The following PPARGC1A variants were observed in gnomAD, a reference collection of about 807,000 sequenced individuals.
PPARGC1A encodes the protein PPARG coactivator 1 alpha.
A neutral mutation model predicts 88.7 loss-of-function variants in PPARGC1A; 25 were observed. The observed-to-expected ratio is 0.28, with a 90% CI of 0.21 to 0.39. The LOEUF is 0.39. PPARGC1A is among the 10% of genes least tolerant of loss of function. The probability of loss-of-function intolerance (pLI) is 1.00; values close to 1 mark genes in which losing one functional copy is unlikely to be tolerated. For synonymous variants in PPARGC1A, 363 were observed against 355.6 expected, an observed-to-expected ratio of 1.02 and a Z score of -0.24; for missense variants, 880 against 968.7, an observed-to-expected ratio of 0.91 and a Z score of 1.22.
chr4:24,203,983 A>T, the PPARGC1A span, among the ~76,000 whole-genome samples: 2 of 152,238 alleles, frequency 1.3e-5, no homozygotes, highest in Non-Finnish European at 2.9e-5. Context: ...CTTATTATAG[A>T]TATTGAACTG....
At chr4:24,171,446 T>G in the PPARGC1A span, among the ~76,000 whole-genome samples, 1 of 151,682 alleles carries the variant, frequency 6.6e-6, no homozygotes, top group South Asian at 2.1e-4. Flanking sequence ...TCTACAACAC[T>G]CTATCTTCTT....
chr4:24,225,484 G>A, the PPARGC1A span, among the ~76,000 whole-genome samples: 1 of 151,540 alleles, frequency 6.6e-6, no homozygotes, highest in African/African-American at 2.4e-5. Context: ...CAGGAGAATG[G>A]TGGCCACTGC....
At chr4:23,973,442 G>A in the PPARGC1A span, among the ~76,000 whole-genome samples, 1 of 152,136 alleles carries the variant, frequency 6.6e-6, no homozygotes, top group Non-Finnish European at 1.5e-5. Flanking sequence ...ATCTTGCCTT[G>A]CAAAGTTTTT....
chr4:24,066,697 G>T, the PPARGC1A span, among the ~76,000 whole-genome samples: 1 of 152,086 alleles, frequency 6.6e-6, no homozygotes, highest in Non-Finnish European at 1.5e-5. Flanking sequence ...ATAGACACTT[G>T]GGAGCCAGAA....
chr4:24,417,985 T>C, the PPARGC1A span, among the ~76,000 whole-genome samples: 2 of 151,780 alleles, frequency 1.3e-5, 1 homozygote, highest in East Asian at 3.9e-4. Context: ...ATTTATTTTG[T>C]TTTTTCTGTA....
chr4:24,308,400 G>C, the PPARGC1A span, among the ~76,000 whole-genome samples: 2 of 151,774 alleles, frequency 1.3e-5, no homozygotes, highest in Admixed American at 1.3e-4. Context: ...CTTTTATTTA[G>C]TTTTGCTGAG....
chr4:23,857,334 G>A (rs1730347577), intron 2 of PPARGC1A, among the ~76,000 whole-genome samples: 1 of 144,668 alleles, frequency 6.9e-6, no homozygotes, highest in African/African-American at 2.5e-5. Flanking sequence ...CAGGGATGAA[G>A]TTTCATAAAA....
intron 12 of PPARGC1A, among the ~76,000 whole-genome samples, chr4:23,798,332 T>C (rs912208629): frequency 3.3e-5 from 5 of 152,152 alleles, no homozygotes; most frequent in Admixed American, 2.0e-4. Flanking sequence ...ACAAATCACA[T>C]CACACTTATA....
the PPARGC1A span, among the ~76,000 whole-genome samples, chr4:23,988,053 T>A: frequency 6.6e-6 from 1 of 152,000 alleles, no homozygotes; most frequent in Non-Finnish European, 1.5e-5. Context: ...TTTCTGTTCT[T>A]GTGTTAGTTT....
the PPARGC1A span, among the ~76,000 whole-genome samples, chr4:24,000,102 C>T: frequency 6.6e-6 from 1 of 151,716 alleles, no homozygotes; most frequent in East Asian, 1.9e-4. Context: ...TTTCATTTTC[C>T]TTTCTTTTTT....
chr4:24,466,488 C>A, the PPARGC1A span, among the ~76,000 whole-genome samples: 6 of 152,188 alleles, frequency 3.9e-5, no homozygotes, highest in Admixed American at 3.9e-4. Context: ...TCACTTAATT[C>A]TCTGTGCTTT....
the PPARGC1A span, among the ~76,000 whole-genome samples, chr4:24,252,430 C>G: frequency 2.0e-5 from 3 of 152,162 alleles, no homozygotes; most frequent in Non-Finnish European, 4.4e-5. Context: ...TTTTTCTGAC[C>G]TCTCCCACCC....
At position 23,795,329 on chromosome 4, in the gene PPARGC1A, A is replaced by ATT. The variant is rs1553871816; in HGVS notation, c.*491_*492dup. On this transcript the variant is annotated 3_prime_UTR_variant, in exon 13 of 13. Coordinates refer to ENST00000264867, the MANE Select transcript of PPARGC1A (RefSeq NM_013261.5). ...TATATATATATATATATATATATATATTTCCTTTTGAATAGAATACGAACA... is the reference window on the plus strand; with the variant it reads ...TATATATATATATATATATATATATATTTTTCCTTTTGAATAGAATACGAACA... The ATT allele has an allele frequency of 0.043, 454 of 10,480 alleles. 4 individuals are homozygous for ATT. Among genetic ancestry groups the ATT allele is most frequent in the African/African-American group, 0.085 (428 of 5,050 alleles). 0.6% of individuals were successfully genotyped at this position (10,480 alleles called of 1,614,324 possible).
the PPARGC1A span, among the ~76,000 whole-genome samples, chr4:24,377,003 T>C: frequency 3.3e-5 from 5 of 152,136 alleles, no homozygotes; most frequent in Non-Finnish European, 5.9e-5. Context: ...ATAAAAATGC[T>C]GGAGGGCACC....
chr4:24,359,036 C>T, the PPARGC1A span, among the ~76,000 whole-genome samples: 1 of 152,194 alleles, frequency 6.6e-6, no homozygotes. Flanking sequence ...TTGGTATTGA[C>T]TTGCCACTGT....
chr4:24,354,334 C>T, the PPARGC1A span, among the ~76,000 whole-genome samples: 1 of 152,108 alleles, frequency 6.6e-6, no homozygotes, highest in Non-Finnish European at 1.5e-5. Context: ...TGTAAGGTAA[C>T]ATTCCCAGGC....
the PPARGC1A span, among the ~76,000 whole-genome samples, chr4:24,350,476 A>G: frequency 6.6e-6 from 1 of 152,222 alleles, no homozygotes; most frequent in Non-Finnish European, 1.5e-5. Context: ...AGAAAAAGGA[A>G]GAGCAAGACA....
chr4:23,998,501 G>T, the PPARGC1A span, among the ~76,000 whole-genome samples: 1 of 152,004 alleles, frequency 6.6e-6, no homozygotes, highest in African/African-American at 2.4e-5. Flanking sequence ...GTATCAAAGA[G>T]AGAGTAAAGT....
At chr4:24,424,362 A>G in the PPARGC1A span, among the ~76,000 whole-genome samples, 7 of 124,036 alleles carry the variant, frequency 5.6e-5, no homozygotes, top group Admixed American at 1.1e-4. Flanking sequence ...TGCAAGCTCC[A>G]CCTCCCGGGT....
Sources: allele counts gnomAD v4.1 joint callset (sites outside exome capture counted in the v4.1 genomes callset), GRCh38; gene constraint gnomAD v4.1.1; transcripts MANE v1.5; gene names NCBI Gene and HGNC (gene_info 2026-07-23, HGNC 2026-07-21).